SPRED1: variants seen among roughly 807,000 people sequenced by gnomAD.
The protein encoded by SPRED1 is sprouty-related, EVH1 domain-containing protein 1.
Under a neutral mutation model 52.3 loss-of-function variants are expected in SPRED1, and 18 were observed. That is an observed-to-expected ratio of 0.34 (90% CI 0.24 to 0.51). The LOEUF (loss-of-function observed/expected upper bound fraction) is 0.51. SPRED1 is among the 20% of genes least tolerant of loss of function. The pLI is 0.97. For synonymous variants in SPRED1, 155 were observed against 179.7 expected, an observed-to-expected ratio of 0.86 and a Z score of 1.10; for missense variants, 485 against 551.0, an observed-to-expected ratio of 0.88 and a Z score of 1.20.
At chr15:38,331,794 T>C (rs1415515921) in intron 4 of SPRED1, among the ~76,000 whole-genome samples, 1 of 152,182 alleles carries the variant, frequency 6.6e-6, no homozygotes, top group Non-Finnish European at 1.5e-5. Context: ...TTTCAGTTGA[T>C]AACATAAGTT....
chr15:38,254,946 G>C (rs1894061570), intron 1 of SPRED1, among the ~76,000 whole-genome samples: 1 of 152,132 alleles, frequency 6.6e-6, no homozygotes, highest in African/African-American at 2.4e-5. Flanking sequence ...GATTAAAAAT[G>C]TTAAGTTTTC....
intron 1 of SPRED1, among the ~76,000 whole-genome samples, chr15:38,275,684 G>T (rs536808937): frequency 6.6e-6 from 1 of 152,106 alleles, no homozygotes; most frequent in Non-Finnish European, 1.5e-5. Flanking sequence ...TTTCAGTAGC[G>T]ACGGGGTTTC....
intron 1 of SPRED1, among the ~76,000 whole-genome samples, chr15:38,284,047 A>T (rs1315653291): frequency 6.6e-6 from 1 of 152,212 alleles, no homozygotes; most frequent in African/African-American, 2.4e-5. Flanking sequence ...AGAGATAGCC[A>T]TTATGACATT....
At position 38,328,873 on chromosome 15, in the gene SPRED1, G is replaced by A. The variant is rs1326105852; in HGVS notation, c.423+4064G>A. On this transcript the variant is annotated intron_variant, in intron 4 of 6. Transcript: ENST00000299084. ...TAGCCATAGGCACGTACCACCACTC[G>A]CGGCTAATTTTTGTATCTTTTTGGT... 3.3e-5 allele frequency among the ~76,000 whole-genome samples: 5 copies of A among 151,728 alleles called. No homozygotes were observed. The East Asian group carries it at 5.8e-4, about 18-fold the overall frequency.
rs532450384 is a variant in SPRED1 at position 38,339,234 on chromosome 15, C to A, written c.424-503C>A. ...ATAAGAGTACATGATTTAAATTCTA[C>A]GTAATCAGCAAGTTGAGTCTAATTT... is the stretch of plus-strand genomic sequence containing the variant. On this transcript the variant is annotated intron_variant, in intron 4 of 6. Transcript: ENST00000299084. Among the ~76,000 whole-genome samples the A allele has an allele frequency of 3.4e-4, 51 of 152,162 alleles. 1 individual carries two copies. The South Asian group carries it at 0.011, about 32-fold the overall frequency.
rs1888632663 is a variant in SPRED1, at chr15:38,356,826, G to A, written c.*5162G>A. ...AAAATAACGAATAATCTAAAGGAAA[G>A]GTTATTAGGACAGTAATAAAAAATT... On this transcript the variant is annotated 3_prime_UTR_variant, in exon 7 of 7. Coordinates refer to ENST00000299084, the MANE Select transcript of SPRED1 (RefSeq NM_152594.3). 1 of 151,916 alleles carries A rather than the reference G, an allele frequency of 6.6e-6. No individual in the cohort carries two copies. The highest frequency in any genetic ancestry group is 2.1e-4 in the South Asian group (1 of 4,806). 9.4% of individuals were successfully genotyped at this position (151,916 alleles called of 1,614,324 possible).
At position 38,299,372 on chromosome 15, in the gene SPRED1, G is replaced by A. The variant is rs1895105626; in HGVS notation, c.33-1G>A. ...ATTCCTGATCTTTGCATCTATTTTA[G>A]TAATAGTTATGCACGAGTGCGAGCT... On this transcript the variant is annotated splice_acceptor_variant, in intron 1 of 6. Transcript: ENST00000299084. LOFTEE classifies it high-confidence loss of function. 4 of 1,613,630 alleles carry A rather than the reference G, an allele frequency of 2.5e-6. No individual in the cohort carries two copies. Among genetic ancestry groups the A allele is most frequent in the Non-Finnish European group, 3.4e-6 (4 of 1,179,816 alleles).
chr15:38,310,153 G>GTGTGTGTT (rs373463622), intron 2 of SPRED1, among the ~76,000 whole-genome samples: 1,857 of 132,242 alleles, frequency 0.014, 32 homozygotes, highest in South Asian at 0.022. Flanking sequence ...GTGTGTGTGT[G>GTGTGTGTT]TTTGGAGACG....
intron 1 of SPRED1, among the ~76,000 whole-genome samples, chr15:38,293,966 T>G (rs142244382): frequency 3.9e-5 from 6 of 152,320 alleles, no homozygotes; most frequent in African/African-American, 1.2e-4. Flanking sequence ...CCCACTAGAT[T>G]ATGAGCTTCT....
At chr15:38,285,204 CAG>C (rs1894779409) in intron 1 of SPRED1, among the ~76,000 whole-genome samples, 1 of 152,082 alleles carries the variant, frequency 6.6e-6, no homozygotes, top group South Asian at 2.1e-4. Flanking sequence ...ATTTATTCAG[CAG>C]ATATTTTCAG....
At chr15:38,275,254 C>G (rs1026778929) in intron 1 of SPRED1, among the ~76,000 whole-genome samples, 30 of 152,238 alleles carry the variant, frequency 2.0e-4, no homozygotes, top group African/African-American at 6.3e-4. Flanking sequence ...TTGTCCCAGA[C>G]TTGGCCATTG....
At chr15:38,347,174 T>G (rs540520379) in intron 5 of SPRED1, among the ~76,000 whole-genome samples, 1 of 152,182 alleles carries the variant, frequency 6.6e-6, no homozygotes, top group African/African-American at 2.4e-5. Context: ...TTTTAAAGTT[T>G]TGTCTTTAAT....
At chr15:38,303,391 A>G (rs566631777) in intron 2 of SPRED1, among the ~76,000 whole-genome samples, 127 of 152,256 alleles carry the variant, frequency 8.3e-4, no homozygotes, top group African/African-American at 3.0e-3. Flanking sequence ...TTTAGTTTTC[A>G]TTAGATATAA....
At chr15:38,262,361 A>G (rs923779842) in intron 1 of SPRED1, among the ~76,000 whole-genome samples, 4 of 152,212 alleles carry the variant, frequency 2.6e-5, no homozygotes, top group Admixed American at 1.3e-4. Context: ...TTCAAGGCTC[A>G]AGGAGAAAGT....
intron 2 of SPRED1, among the ~76,000 whole-genome samples, chr15:38,307,735 TAAG>T (rs1017297884): frequency 5.9e-5 from 9 of 152,202 alleles, no homozygotes; most frequent in South Asian, 2.1e-4. Context: ...GTAACTTTAA[TAAG>T]AAGTTTAGTA....
At chr15:38,297,184 G>A (rs1895058408) in intron 1 of SPRED1, among the ~76,000 whole-genome samples, 1 of 152,166 alleles carries the variant, frequency 6.6e-6, no homozygotes, top group Non-Finnish European at 1.5e-5. Context: ...AGCACAAAAT[G>A]TACAGAGACA....
chr15:38,277,856 T>A (rs1474561738), intron 1 of SPRED1, among the ~76,000 whole-genome samples: 4 of 152,112 alleles, frequency 2.6e-5, no homozygotes, highest in Admixed American at 6.6e-5. Flanking sequence ...ATTCTTCTAA[T>A]GATTAGTGAT....
chr15:38,349,488 T>C lies in SPRED1; in HGVS notation c.649T>C (p.Ser217Pro). The change falls in exon 6 of 7, where the codon TCC becomes CCC. Residue 217 changes from serine (S) to proline (P), a missense_variant. Around this residue, in one of 5 missense-constraint regions of SPRED1, gnomAD observed 232 missense variants for 231.8 expected, o/e 1.00. Coordinates refer to ENST00000299084, the MANE Select transcript of SPRED1 (RefSeq NM_152594.3). ...RSMEYVQRQISKECGSLKSQN... is the reference protein window; with the variant it reads ...RSMEYVQRQIPKECGSLKSQN... ...TATGGAATACGTACAGCGGCAAATATCCAAGGAATGTGGAAGCCTAAAGTC... is the reference window on the plus strand; with the variant it reads ...TATGGAATACGTACAGCGGCAAATACCCAAGGAATGTGGAAGCCTAAAGTC... The C allele has an allele frequency of 2.5e-6, 4 of 1,612,628 alleles. No individual in the cohort carries two copies. The highest frequency in any genetic ancestry group is 3.4e-6 in the Non-Finnish European group (4 of 1,178,940).
intron 2 of SPRED1, among the ~76,000 whole-genome samples, chr15:38,313,789 T>C (rs987272206): frequency 2.6e-5 from 4 of 151,848 alleles, no homozygotes; most frequent in African/African-American, 9.7e-5. Flanking sequence ...ACATTTTAAA[T>C]TGGACATTGA....
Sources: allele counts gnomAD v4.1 joint callset (sites outside exome capture counted in the v4.1 genomes callset), GRCh38; gene constraint gnomAD v4.1.1; regional missense constraint gnomAD v4.1.1; transcripts MANE v1.5; gene names NCBI Gene and HGNC (gene_info 2026-07-23, HGNC 2026-07-21).